UBR1: variants seen among roughly 807,000 people sequenced by gnomAD.
UBR1 encodes the protein E3 ubiquitin-protein ligase UBR1.
Under a neutral mutation model 242.1 loss-of-function variants are expected in UBR1, and 102 were observed. The observed-to-expected ratio is 0.42, with a 90% CI of 0.36 to 0.50. The LOEUF is 0.50. Ranked by LOEUF, UBR1 falls within the 20% of genes least tolerant of loss-of-function variation. The probability of loss-of-function intolerance (pLI) is 0.01; values close to 1 mark genes in which losing one functional copy is unlikely to be tolerated. For missense variants in UBR1, 1,772 were observed against 2,101.8 expected (o/e 0.84, Z 3.07); for synonymous variants, 675 against 684.8 (o/e 0.99, Z 0.22).
intron 41 of UBR1, 118 bp downstream of exon 41, chr15:42,966,035 A>G: frequency 6.8e-7 from 1 of 1,465,624 alleles, no homozygotes; most frequent in Non-Finnish European, 9.4e-7. Context: ...AACACACATG[A>G]AAGAAATGGG....
intron 29 of UBR1, among the ~76,000 whole-genome samples, chr15:43,015,082 G>A (rs2032998792): frequency 6.6e-6 from 1 of 151,764 alleles, no homozygotes; most frequent in African/African-American, 2.4e-5. Flanking sequence ...CCTCGGCCCG[G>A]CCGCCCCTAC....
At chr15:43,016,333 C>T (rs553901618) in intron 28 of UBR1, among the ~76,000 whole-genome samples, 2 of 152,082 alleles carry the variant, frequency 1.3e-5, no homozygotes, top group South Asian at 4.2e-4. Context: ...AAATTTACAT[C>T]GTGTGTTTTA....
At chr15:42,956,966 C>T (rs1390492723) in intron 44 of UBR1, among the ~76,000 whole-genome samples, 1 of 152,170 alleles carries the variant, frequency 6.6e-6, no homozygotes. Flanking sequence ...TTTGCAGCTC[C>T]TCAAAAAGTT....
chr15:43,004,909 G>A (rs1279310919), intron 30 of UBR1, among the ~76,000 whole-genome samples: 1 of 151,508 alleles, frequency 6.6e-6, no homozygotes, highest in East Asian at 2.0e-4. Flanking sequence ...CCTCTTCCCA[G>A]CCGCCATCCC....
chr15:43,036,960 C>T (rs1207994079), intron 17 of UBR1, among the ~76,000 whole-genome samples: 1 of 149,876 alleles, frequency 6.7e-6, no homozygotes, highest in Non-Finnish European at 1.5e-5. Context: ...TTCCAGGATA[C>T]ATGTGCAAGA....
intron 3 of UBR1, among the ~76,000 whole-genome samples, chr15:43,076,121 C>T (rs2033887727): frequency 6.6e-6 from 1 of 150,908 alleles, no homozygotes; most frequent in Non-Finnish European, 1.5e-5. Flanking sequence ...ATTGCAGGCG[C>T]GCGCCGCCAC....
At chr15:43,089,070 G>A (rs1018036396) in intron 1 of UBR1, among the ~76,000 whole-genome samples, 4 of 151,764 alleles carry the variant, frequency 2.6e-5, no homozygotes, top group East Asian at 1.9e-4. Flanking sequence ...TCTGAGGCAC[G>A]AGAATTGCTT....
chr15:42,949,528 G>A (rs557977671), intron 46 of UBR1, among the ~76,000 whole-genome samples: 2 of 152,156 alleles, frequency 1.3e-5, no homozygotes, highest in Admixed American at 6.5e-5. Context: ...GCCGGGCATG[G>A]TGGCTCATGC....
At chr15:43,086,545 G>A (rs1042159977) in intron 1 of UBR1, among the ~76,000 whole-genome samples, 14 of 151,716 alleles carry the variant, frequency 9.2e-5, no homozygotes, top group Non-Finnish European at 1.9e-4. Flanking sequence ...GTCACAGGCT[G>A]TACAGACAAT....
intron 29 of UBR1, among the ~76,000 whole-genome samples, chr15:43,012,616 C>T (rs1037198762): frequency 6.6e-6 from 1 of 152,146 alleles, no homozygotes; most frequent in East Asian, 1.9e-4. Flanking sequence ...TTTGCTTACA[C>T]CTTCTTATTT....
chr15:43,098,648 C>T (rs2034189561), intron 1 of UBR1, among the ~76,000 whole-genome samples: 1 of 152,240 alleles, frequency 6.6e-6, no homozygotes, highest in South Asian at 2.1e-4. Flanking sequence ...AGCACATCTA[C>T]ACTAAGTTAC....
At chr15:43,057,603 T>G (rs753547870) in intron 10 of UBR1, among the ~76,000 whole-genome samples, 1 of 152,176 alleles carries the variant, frequency 6.6e-6, no homozygotes, top group Non-Finnish European at 1.5e-5. Context: ...AGCTGTAAAT[T>G]TTAGCCTTAT....
chr15:43,026,284 T>A (rs1567129917), intron 23 of UBR1: 1 of 319,194 alleles, frequency 3.1e-6, no homozygotes, highest in East Asian at 7.1e-5. Flanking sequence ...TAAAGAAACA[T>A]GACAATCAAA....
chr15:43,047,443 G>A (rs934024303), intron 13 of UBR1, among the ~76,000 whole-genome samples, 154 bp from the exon 14 acceptor site: 3 of 152,196 alleles, frequency 2.0e-5, no homozygotes, highest in Non-Finnish European at 4.4e-5. Context: ...TCTCAGGTAT[G>A]TGCTCAGGGT....
At chr15:43,004,624 G>C (rs955221249) in intron 30 of UBR1, among the ~76,000 whole-genome samples, 3 of 152,190 alleles carry the variant, frequency 2.0e-5, no homozygotes, top group African/African-American at 7.2e-5. Context: ...CGAGTGATCT[G>C]CCTGCCTCAG....
chr15:43,065,077 A>G (rs747602477), intron 6 of UBR1, among the ~76,000 whole-genome samples: 9 of 152,224 alleles, frequency 5.9e-5, no homozygotes, highest in Non-Finnish European at 1.3e-4. Flanking sequence ...ACTTTGTACA[A>G]CTAGTACTGT....
intron 11 of UBR1, among the ~76,000 whole-genome samples, chr15:43,055,305 T>G (rs1043919260): frequency 6.6e-5 from 10 of 151,774 alleles, no homozygotes; most frequent in African/African-American, 2.4e-4. Context: ...ATTAGCCAGG[T>G]GTGGTGGCAA....
At chr15:43,052,761 A>G (rs1484401956) in intron 12 of UBR1, among the ~76,000 whole-genome samples, 1 of 152,208 alleles carries the variant, frequency 6.6e-6, no homozygotes, top group Non-Finnish European at 1.5e-5. Context: ...AACACGAATT[A>G]TTTGCTAAAT....
chr15:43,105,656 C>G (rs986986468), intron 1 of UBR1, among the ~76,000 whole-genome samples: 3 of 152,190 alleles, frequency 2.0e-5, no homozygotes, highest in Admixed American at 6.5e-5. Context: ...CCTCGGCCCC[C>G]ACATCAAACC....
Sources: gnomAD v4.1 joint callset for allele counts (sites outside exome capture counted in the v4.1 genomes callset) on GRCh38, gnomAD v4.1.1 for gene constraint, MANE v1.5 for transcripts, NCBI Gene and HGNC (gene_info 2026-07-23, HGNC 2026-07-21) for gene names.